Variants in FSIP1 observed in about 807,000 individuals in gnomAD.
FSIP1 encodes fibrous sheath-interacting protein 1.
FSIP1 carries 65 observed loss-of-function variants against 60.9 expected under a neutral mutation model. The observed-to-expected ratio is 1.07, with a 90% CI of 0.87 to 1.31. FSIP1 has a LOEUF of 1.31. Among genes scored for constraint, FSIP1 ranks in the 40% most tolerant of loss-of-function variants. The probability of loss-of-function intolerance (pLI) is 0.00; values close to 1 mark genes in which losing one functional copy is unlikely to be tolerated. For missense variants in FSIP1, 675 were observed against 665.5 expected, an observed-to-expected ratio of 1.01 and a Z score of -0.16; for synonymous variants, 209 against 221.2, an observed-to-expected ratio of 0.94 and a Z score of 0.49.
chr15:39,648,711 G>T (rs1397866977), intron 10 of FSIP1, among the ~76,000 whole-genome samples: 2 of 152,140 alleles, frequency 1.3e-5, no homozygotes, highest in Admixed American at 6.5e-5. Context: ...TGGTAGTTTG[G>T]GGCCTATCAG....
At chr15:39,678,702 T>C (rs544488403) in intron 10 of FSIP1, among the ~76,000 whole-genome samples, 1 of 152,352 alleles carries the variant, frequency 6.6e-6, no homozygotes, top group South Asian at 2.1e-4. Flanking sequence ...AATGCTGTTT[T>C]ACGTTATCAC....
intron 11 of FSIP1, among the ~76,000 whole-genome samples, chr15:39,609,620 G>A (rs1051329511): frequency 2.0e-5 from 3 of 152,196 alleles, no homozygotes; most frequent in South Asian, 2.1e-4. Context: ...TTCTCTAGAC[G>A]ATAGCCTGGC....
intron 5 of FSIP1, among the ~76,000 whole-genome samples, chr15:39,758,841 C>T (rs1897388186): frequency 6.6e-6 from 1 of 151,884 alleles, no homozygotes; most frequent in African/African-American, 2.4e-5. Context: ...TCAGCACAGA[C>T]AGAAATTTTA....
chr15:39,601,816 C>T (rs2140358337), intron 11 of FSIP1, among the ~76,000 whole-genome samples: 1 of 152,256 alleles, frequency 6.6e-6, no homozygotes, highest in East Asian at 1.9e-4. Flanking sequence ...CCGTATGATT[C>T]CATTTATATG....
intron 10 of FSIP1, among the ~76,000 whole-genome samples, chr15:39,640,546 G>A (rs896808990): frequency 1.3e-5 from 2 of 152,156 alleles, no homozygotes; most frequent in African/African-American, 4.8e-5. Flanking sequence ...CCGGGTCGCA[G>A]CGGAAAGAAA....
chr15:39,757,455 C>T (rs1021998462), intron 5 of FSIP1, among the ~76,000 whole-genome samples: 3 of 151,822 alleles, frequency 2.0e-5, no homozygotes, highest in Non-Finnish European at 2.9e-5. Flanking sequence ...CTAATAATAC[C>T]AAGTTTAAGC....
intron 10 of FSIP1, among the ~76,000 whole-genome samples, chr15:39,705,955 G>A (rs1328110391): frequency 6.8e-6 from 1 of 146,710 alleles, no homozygotes; most frequent in Non-Finnish European, 1.5e-5. Context: ...CTGAGATCAT[G>A]CCATTGCACT....
chr15:39,726,523 A>C, intron 9 of FSIP1, 66 bp downstream of exon 9: 3 of 1,549,884 alleles, frequency 1.9e-6, no homozygotes, highest in Non-Finnish European at 1.8e-6. Context: ...TAACAACCAG[A>C]TTGTAAAATT....
intron 11 of FSIP1, among the ~76,000 whole-genome samples, chr15:39,616,370 T>C (rs137984194): frequency 3.3e-3 from 508 of 152,316 alleles, no homozygotes; most frequent in Non-Finnish European, 5.4e-3. Flanking sequence ...TTTTTAAAAA[T>C]GTTATGCAGT....
intron 5 of FSIP1, among the ~76,000 whole-genome samples, chr15:39,752,735 G>T (rs79166306): frequency 6.6e-6 from 1 of 151,908 alleles, no homozygotes; most frequent in Non-Finnish European, 1.5e-5. Flanking sequence ...TCCTGGATGG[G>T]ATTCTGGAAC....
intron 8 of FSIP1, among the ~76,000 whole-genome samples, chr15:39,728,724 T>C (rs138248431): frequency 1.3e-5 from 2 of 152,220 alleles, no homozygotes; most frequent in African/African-American, 4.8e-5. Context: ...ATAATGAAGA[T>C]GCCAAAAGCA....
At chr15:39,723,311 C>A (rs1251231412) in intron 9 of FSIP1, among the ~76,000 whole-genome samples, 2 of 152,200 alleles carry the variant, frequency 1.3e-5, no homozygotes, top group African/African-American at 2.4e-5. Context: ...TCACTGCAAG[C>A]TCTGCCTCCC....
At chr15:39,758,745 G>T (rs61461997) in intron 5 of FSIP1, among the ~76,000 whole-genome samples, 3,658 of 151,982 alleles carry the variant, frequency 0.024, 157 homozygotes, top group African/African-American at 0.083. Flanking sequence ...AAAAAAATAG[G>T]TTTGAGAAAA....
intron 10 of FSIP1, among the ~76,000 whole-genome samples, chr15:39,660,973 G>A (rs1205468635): frequency 6.6e-6 from 1 of 152,208 alleles, no homozygotes; most frequent in East Asian, 1.9e-4. Context: ...CGAGGCAGAA[G>A]AATCACTTGA....
At chr15:39,677,200 C>T (rs760174467) in intron 10 of FSIP1, among the ~76,000 whole-genome samples, 1 of 152,054 alleles carries the variant, frequency 6.6e-6, no homozygotes, top group Admixed American at 6.5e-5. Flanking sequence ...ATGCAATAAC[C>T]AAAATAAAAA....
intron 11 of FSIP1, among the ~76,000 whole-genome samples, chr15:39,607,919 C>T (rs993113604): frequency 1.3e-5 from 2 of 152,176 alleles, no homozygotes; most frequent in Admixed American, 1.3e-4. Flanking sequence ...CAGCCAAACA[C>T]GCAGCAACTC....
intron 10 of FSIP1, among the ~76,000 whole-genome samples, chr15:39,689,593 C>T (rs1305424729): frequency 6.6e-6 from 1 of 152,144 alleles, no homozygotes; most frequent in Admixed American, 6.5e-5. Flanking sequence ...CCAAGACCAA[C>T]TATTATAACA....
intron 10 of FSIP1, among the ~76,000 whole-genome samples, chr15:39,687,653 A>T (rs575322984): frequency 6.6e-6 from 1 of 152,288 alleles, no homozygotes; most frequent in South Asian, 2.1e-4. Flanking sequence ...CCAAGCTAAA[A>T]GTTTGTCAAG....
intron 10 of FSIP1, among the ~76,000 whole-genome samples, chr15:39,681,126 GA>G (rs1487834208): frequency 6.6e-6 from 1 of 150,714 alleles, no homozygotes; most frequent in Non-Finnish European, 1.5e-5. Context: ...GGACTGTGAA[GA>G]AGAAAAAAAA....
Sources: allele counts gnomAD v4.1 joint callset (sites outside exome capture counted in the v4.1 genomes callset), GRCh38; gene constraint gnomAD v4.1.1; transcripts MANE v1.5; gene names NCBI Gene and HGNC (gene_info 2026-07-23, HGNC 2026-07-21).